VCF1: variants seen among roughly 807,000 people sequenced by gnomAD.
VCF1 encodes VCP nuclear cofactor family member 1, also known as protein VCF1.
At chr17:73,217,683 G>A in the VCF1 span, among the ~76,000 whole-genome samples, 1 of 151,674 alleles carries the variant, frequency 6.6e-6, no homozygotes, top group Non-Finnish European at 1.5e-5. Flanking sequence ...GCCAGGCGCA[G>A]TGGCTCATGT....
the VCF1 span, chr17:73,208,316 T>C: frequency 1.9e-6 from 3 of 1,613,520 alleles, no homozygotes; most frequent in Non-Finnish European, 2.5e-6. Context: ...AATGGCAGGT[T>C]GTCCCCCCGG....
At chr17:73,227,177 G>A in the VCF1 span, 1 of 1,586,426 alleles carries the variant, frequency 6.3e-7, no homozygotes. Context: ...CTGTGTCCCA[G>A]GAATCCTGAA....
chr17:73,208,022 G>A, the VCF1 span: 44 of 1,323,274 alleles, frequency 3.3e-5, no homozygotes, highest in Non-Finnish European at 4.1e-5. Flanking sequence ...CCACTGCAGT[G>A]ATCTTTCAGT....
the VCF1 span, among the ~76,000 whole-genome samples, chr17:73,226,702 A>C: frequency 6.6e-6 from 1 of 152,254 alleles, no homozygotes; most frequent in African/African-American, 2.4e-5. Context: ...CTCTTTTCAC[A>C]ACAAGATAAT....
chr17:73,208,069 T>G, the VCF1 span: 55 of 1,403,592 alleles, frequency 3.9e-5, no homozygotes, highest in Non-Finnish European at 5.0e-5. Flanking sequence ...TGGAGAGAAG[T>G]GCCTGTGTCT....
the VCF1 span, among the ~76,000 whole-genome samples, chr17:73,219,571 A>AC: frequency 6.6e-6 from 1 of 151,286 alleles, no homozygotes; most frequent in Admixed American, 6.6e-5. Flanking sequence ...AATGGTGTGA[A>AC]CCTGGGGGGC....
the VCF1 span, chr17:73,212,540 A>AGAAGTC: frequency 5.3e-6 from 3 of 564,436 alleles, no homozygotes; most frequent in Non-Finnish European, 9.2e-6. Context: ...TAGAGGCTTA[A>AGAAGTC]GAAGTCAAAG....
At chr17:73,232,392 G>T in the VCF1 span, 3 of 1,410,170 alleles carry the variant, frequency 2.1e-6, no homozygotes, top group Non-Finnish European at 1.9e-6. Flanking sequence ...CCCACGGGAA[G>T]AGGCGGGCTC....
At chr17:73,231,750 TC>T in the VCF1 span, among the ~76,000 whole-genome samples, 2 of 147,566 alleles carry the variant, frequency 1.4e-5, no homozygotes, top group East Asian at 4.2e-4. Context: ...GTTTATCCCA[TC>T]CCCCCACCCT....
chr17:73,229,376 T>C, the VCF1 span: 1 of 985,456 alleles, frequency 1.0e-6, no homozygotes, highest in Non-Finnish European at 1.2e-6. Flanking sequence ...ATTACAATTT[T>C]TGGCATTAAT....
the VCF1 span, among the ~76,000 whole-genome samples, chr17:73,216,653 G>A: frequency 6.6e-6 from 1 of 152,180 alleles, no homozygotes; most frequent in Non-Finnish European, 1.5e-5. Context: ...AGTCTTGAGA[G>A]AATATAGAGC....
At chr17:73,214,482 AC>A in the VCF1 span, among the ~76,000 whole-genome samples, 1 of 152,186 alleles carries the variant, frequency 6.6e-6, no homozygotes, top group East Asian at 1.9e-4. Context: ...TGATCTTAAC[AC>A]TGTCAGCCAC....
At chr17:73,212,742 T>C in the VCF1 span, 1 of 1,582,926 alleles carries the variant, frequency 6.3e-7, no homozygotes, top group Non-Finnish European at 8.6e-7. Flanking sequence ...AGGTACTGTC[T>C]GAAAATCAAG....
chr17:73,208,436 T>C, the VCF1 span: 6 of 1,614,038 alleles, frequency 3.7e-6, no homozygotes, highest in Non-Finnish European at 5.1e-6. Flanking sequence ...GCTGGCTCTC[T>C]AGTATGACTA....
chr17:73,209,838 T>C, the VCF1 span: 9 of 1,522,612 alleles, frequency 5.9e-6, no homozygotes, highest in African/African-American at 2.7e-5. Flanking sequence ...TGTGGTTTCA[T>C]GTACAGCGCT....
chr17:73,212,894 A>AT, the VCF1 span, among the ~76,000 whole-genome samples: 1 of 151,800 alleles, frequency 6.6e-6, no homozygotes, highest in South Asian at 2.1e-4. Context: ...TCTGTACATA[A>AT]TTTTTTTTTA....
the VCF1 span, chr17:73,209,355 A>T: frequency 2.4e-6 from 2 of 848,352 alleles, no homozygotes; most frequent in Non-Finnish European, 3.5e-6. Flanking sequence ...AAATTGCAAT[A>T]GTGCAGCAAA....
At chr17:73,232,155 G>C in the VCF1 span, 1 of 1,609,016 alleles carries the variant, frequency 6.2e-7, no homozygotes, top group Non-Finnish European at 8.5e-7. Flanking sequence ...GCGAAGAGAG[G>C]GAACAGAGGG....
chr17:73,229,224 G>T, the VCF1 span: 1 of 985,322 alleles, frequency 1.0e-6, no homozygotes, highest in Admixed American at 6.1e-5. Context: ...ACCAGATTAA[G>T]AAAGAGTCCT....
Sources: allele counts gnomAD v4.1 joint callset (sites outside exome capture counted in the v4.1 genomes callset), GRCh38; gene constraint gnomAD v4.1.1; transcripts MANE v1.5; gene names NCBI Gene and HGNC (gene_info 2026-07-23, HGNC 2026-07-21).